Variants in CABIN1 observed in about 807,000 individuals in gnomAD.
The protein encoded by CABIN1 is calcineurin binding protein 1.
A neutral mutation model predicts 227.7 loss-of-function variants in CABIN1; 133 were observed. The observed-to-expected ratio is 0.58, with a 90% CI of 0.51 to 0.67. The LOEUF (loss-of-function observed/expected upper bound fraction) is 0.67. CABIN1 is among the 30% of genes least tolerant of loss of function. CABIN1 has a pLI of 0.00. For synonymous variants in CABIN1, 1,086 were observed against 1,155.1 expected (o/e 0.94, Z 1.21); for missense variants, 2,408 against 2,852.5 (o/e 0.84, Z 3.55).
In CABIN1 at chr22:24,042,992, A is replaced by G. The variant is rs749398885; in HGVS notation, c.434A>G (p.His145Arg). Residue 145 changes from histidine to arginine, a missense_variant, in exon 6 of 37, where the codon CAT (histidine) becomes CGT (arginine). Physicochemically the swap from His to Arg is conservative, Grantham distance 29. This residue lies in a region of CABIN1 where 1,045 missense variants were observed against 1,168.4 expected (regional missense o/e 0.89). Transcript: ENST00000263119. ...LRLIRIPLARHAFEEGLRCNP... is the reference protein window; with the variant it reads ...LRLIRIPLARRAFEEGLRCNP... ...CTCATCCGGATCCCCCTGGCTCGCCATGCTTTTGAGGAAGGGCTGCGGTGC... is the reference window on the plus strand; with the variant it reads ...CTCATCCGGATCCCCCTGGCTCGCCGTGCTTTTGAGGAAGGGCTGCGGTGC... 1.9e-6 allele frequency: 3 copies of G among 1,613,928 alleles called. No homozygotes were observed. Among genetic ancestry groups the G allele is most frequent in the Non-Finnish European group, 2.5e-6 (3 of 1,180,004 alleles).
intron 28 of CABIN1, among the ~76,000 whole-genome samples, chr22:24,124,943 A>G (rs1336584454): frequency 6.6e-6 from 1 of 152,220 alleles, no homozygotes; most frequent in East Asian, 1.9e-4. Flanking sequence ...CCAGTTTCAA[A>G]ACATACTACA....
chr22:24,173,148 C>T (rs1256469057), intron 34 of CABIN1: 1 of 152,168 alleles, frequency 6.6e-6, no homozygotes, highest in Non-Finnish European at 1.5e-5. Flanking sequence ...TGCACTGGCC[C>T]ACAGCCTGTG....
At chr22:24,038,297 A>G in intron 3 of CABIN1, 51 bp from the exon 4 acceptor site, 2 of 1,504,488 alleles carry the variant, frequency 1.3e-6, no homozygotes, top group Non-Finnish European at 1.8e-6. Flanking sequence ...TTTGGCTTAA[A>G]AAAGACAGAT....
chr22:24,114,058 T>TTTGTTG (rs695681), intron 27 of CABIN1, among the ~76,000 whole-genome samples: 48 of 151,712 alleles, frequency 3.2e-4, no homozygotes, highest in Middle Eastern at 3.4e-3. Context: ...GTGCTCTGTT[T>TTTGTTG]TTGTTGTTGT....
intron 26 of CABIN1, among the ~76,000 whole-genome samples, chr22:24,110,634 C>A (rs557536923): frequency 1.0e-3 from 11 of 10,848 alleles, no homozygotes; most frequent in African/African-American, 2.2e-3. Context: ...TGGAAAAAAA[C>A]AAACCTTTTT....
chr22:24,163,742 C>T (rs1304576603), intron 29 of CABIN1, among the ~76,000 whole-genome samples: 1 of 152,126 alleles, frequency 6.6e-6, no homozygotes, highest in Non-Finnish European at 1.5e-5. Flanking sequence ...GGAACCAGGC[C>T]CTGGAGCTAG....
At chr22:24,042,375 G>T (rs2037444491) in intron 5 of CABIN1, among the ~76,000 whole-genome samples, 1 of 152,214 alleles carries the variant, frequency 6.6e-6, no homozygotes, top group Admixed American at 6.5e-5. Flanking sequence ...GAGGCTAGGA[G>T]TTTGAGACAA....
chr22:24,167,717 C>T (rs2046537305), intron 32 of CABIN1, among the ~76,000 whole-genome samples: 2 of 152,108 alleles, frequency 1.3e-5, no homozygotes, highest in South Asian at 2.1e-4. Context: ...TTTCCTTTTT[C>T]TCCATTTAAA....
At chr22:24,071,197 G>A (rs1194054931) in intron 17 of CABIN1, 155 bp downstream of exon 17, 3 of 1,043,150 alleles carry the variant, frequency 2.9e-6, no homozygotes, top group African/African-American at 3.2e-5. Context: ...CTGAGGAGGG[G>A]TTTGTGCGCA....
chr22:24,078,636 C>G (rs904522294), intron 19 of CABIN1, among the ~76,000 whole-genome samples: 7 of 152,168 alleles, frequency 4.6e-5, no homozygotes, highest in Admixed American at 1.3e-4. Context: ...CTGTTCATCT[C>G]CACACAGCTC....
At chr22:24,165,725 G>C in intron 31 of CABIN1, 99 bp downstream of exon 31, 2 of 962,228 alleles carry the variant, frequency 2.1e-6, no homozygotes, top group Non-Finnish European at 3.2e-6. Context: ...ATACCCTTAG[G>C]CAGGATGTGC....
chr22:24,021,460 T>A (rs1437483650), intron 1 of CABIN1, among the ~76,000 whole-genome samples: 1 of 151,486 alleles, frequency 6.6e-6, no homozygotes, highest in Non-Finnish European at 1.5e-5. Context: ...GCCCGATCAA[T>A]TTGTCTTTTT....
chr22:24,077,763 T>G (rs1245571756), intron 19 of CABIN1, among the ~76,000 whole-genome samples: 2 of 152,156 alleles, frequency 1.3e-5, no homozygotes, highest in Non-Finnish European at 2.9e-5. Context: ...ATCCTCCTTA[T>G]GCTGATTGGG....
intron 8 of CABIN1, 127 bp from the exon 9 acceptor site, chr22:24,054,746 C>T: frequency 8.7e-7 from 1 of 1,152,370 alleles, no homozygotes; most frequent in South Asian, 1.2e-5. Context: ...TCACCTCCCC[C>T]ACCCCCATGG....
At chr22:24,067,982 C>G (rs2039812917) in intron 16 of CABIN1, among the ~76,000 whole-genome samples, 3 of 152,090 alleles carry the variant, frequency 2.0e-5, no homozygotes, top group Non-Finnish European at 4.4e-5. Context: ...TATGCTTCAT[C>G]CTACTAATCA....
At chr22:24,082,113 G>A (rs1229473772) in intron 19 of CABIN1, among the ~76,000 whole-genome samples, 1 of 138,062 alleles carries the variant, frequency 7.2e-6, no homozygotes, top group Non-Finnish European at 1.5e-5. Flanking sequence ...TTTTGAGACA[G>A]GGTCTCACTC....
Position 24,044,182 on chromosome 22 carries a change from G to A in CABIN1, c.526+1098G>A, listed in dbSNP as rs77674439. ...CTGGCCTATGCAAACTGGAGAAGTAGCCCCACCCTTTAAGGAACTAGCCCT... is the reference window on the plus strand; with the variant it reads ...CTGGCCTATGCAAACTGGAGAAGTAACCCCACCCTTTAAGGAACTAGCCCT... On this transcript the variant is annotated intron_variant, in intron 6 of 36. Transcript: ENST00000263119. Among the ~76,000 whole-genome samples the A allele has an allele frequency of 5.0e-3, 757 of 152,286 alleles. 2 individuals are homozygous for A. The highest frequency in any genetic ancestry group is 7.8e-3 in the Non-Finnish European group (530 of 68,006).
At chr22:24,029,883 C>T (rs2036371874) in intron 1 of CABIN1, among the ~76,000 whole-genome samples, 2 of 152,164 alleles carry the variant, frequency 1.3e-5, no homozygotes, top group Non-Finnish European at 2.9e-5. Context: ...CCAGGAGACA[C>T]ATTGAAAAGC....
At position 24,172,008 on chromosome 22, in the gene CABIN1, C is replaced by T. The variant is rs758845927; in HGVS notation, c.6040+13C>T. 1.5e-5 allele frequency: 24 copies of T among 1,606,374 alleles called. No individual in the cohort carries two copies. The Middle Eastern group carries it at 2.8e-3, about 189-fold the overall frequency. ...TCTCTGGGCCCAGGTGAGTCCCATCCCAGTCCAGAGCTGGGCCCAGGCCCC... is the reference window on the plus strand; with the variant it reads ...TCTCTGGGCCCAGGTGAGTCCCATCTCAGTCCAGAGCTGGGCCCAGGCCCC... On this transcript the variant is annotated intron_variant, in intron 34 of 36. Coordinates refer to ENST00000263119, the MANE Select transcript of CABIN1 (RefSeq NM_012295.4).
Sources: gnomAD v4.1 joint callset for allele counts (sites outside exome capture counted in the v4.1 genomes callset) on GRCh38, gnomAD v4.1.1 for gene constraint, gnomAD v4.1.1 regional missense constraint, MANE v1.5 for transcripts, NCBI Gene and HGNC (gene_info 2026-07-23, HGNC 2026-07-21) for gene names.